The following PREX2 variants were observed in gnomAD, a reference collection of about 807,000 sequenced individuals.
The protein encoded by PREX2 is phosphatidylinositol-3,4,5-trisphosphate dependent Rac exchange factor 2, also known as phosphatidylinositol 3,4,5-trisphosphate-dependent Rac exchanger 2 protein.
Under a neutral mutation model 203.2 loss-of-function variants are expected in PREX2, and 107 were observed. That is an observed-to-expected ratio of 0.53 (90% CI 0.45 to 0.62). The LOEUF is 0.62. Ranked by LOEUF, PREX2 falls within the 20% of genes least tolerant of loss-of-function variation. PREX2 has a pLI of 0.00. For missense variants in PREX2, 1,777 were observed against 1,955.9 expected, an observed-to-expected ratio of 0.91 and a Z score of 1.72; for synonymous variants, 672 against 663.6, an observed-to-expected ratio of 1.01 and a Z score of -0.19.
In PREX2 at chr8:68,073,796, G is replaced by T. The variant is rs188150393; in HGVS notation, c.1569+1226G>T. ...TTCTAGAATTCATGTGAACTTGTAT[G>T]ATGTGTTGATTACGTGAGAAACTTA... is the stretch of plus-strand genomic sequence containing the variant. On this transcript the variant is annotated intron_variant, in intron 14 of 39. Transcript: ENST00000288368. 2.0e-4 allele frequency among the ~76,000 whole-genome samples: 30 copies of T among 152,240 alleles called. 1 individual carries two copies. The highest frequency in any genetic ancestry group is 7.2e-4 in the African/African-American group (30 of 41,546).
intron 17 of PREX2, 78 bp downstream of exon 17, chr8:68,080,916 G>T: frequency 1.2e-6 from 1 of 832,508 alleles, no homozygotes; most frequent in Admixed American, 2.3e-5. Context: ...ACTGAAATCT[G>T]CCTTTAAAGA....
intron 30 of PREX2, among the ~76,000 whole-genome samples, chr8:68,124,649 A>T (rs1810852732): frequency 6.6e-6 from 1 of 152,158 alleles, no homozygotes; most frequent in Admixed American, 6.6e-5. Context: ...AAGTTTAAAA[A>T]AATATATTTC....
At chr8:68,153,931 T>C (rs896159093) in intron 34 of PREX2, among the ~76,000 whole-genome samples, 7 of 152,258 alleles carry the variant, frequency 4.6e-5, no homozygotes, top group Admixed American at 4.6e-4. Context: ...ATTTATGAGA[T>C]TGTAGAAGTA....
intron 37 of PREX2, among the ~76,000 whole-genome samples, chr8:68,205,491 G>C (rs1275477796): frequency 1.3e-5 from 2 of 152,142 alleles, no homozygotes; most frequent in African/African-American, 2.4e-5. Context: ...TCAGCTGCAG[G>C]CTTTTCCGTA....
At chr8:68,200,553 TA>T (rs1192986032) in intron 37 of PREX2, among the ~76,000 whole-genome samples, 8 of 152,006 alleles carry the variant, frequency 5.3e-5, no homozygotes, top group African/African-American at 1.9e-4. Flanking sequence ...TTATCTGTAA[TA>T]AAAGTTCTTT....
intron 1 of PREX2, among the ~76,000 whole-genome samples, chr8:67,995,604 G>A (rs1242087803): frequency 1.3e-5 from 2 of 152,148 alleles, no homozygotes; most frequent in African/African-American, 4.8e-5. Context: ...CATCAGCTAT[G>A]TAAATATTTA....
rs969318430 is a variant in PREX2 at position 68,232,253 on chromosome 8, T to A, written c.*875T>A. Reference sequence around the variant, plus strand: ...AAGTTAGATACCTAAAACTCTTAATTTTATGAAGGCTCTCATATGAGAGGT... The same window carrying A: ...AAGTTAGATACCTAAAACTCTTAATATTATGAAGGCTCTCATATGAGAGGT... On this transcript the variant is annotated 3_prime_UTR_variant, in exon 40 of 40. Coordinates refer to ENST00000288368, the MANE Select transcript of PREX2 (RefSeq NM_024870.4). 1 of 152,158 alleles carries A rather than the reference T, an allele frequency of 6.6e-6. No homozygotes were observed. Among genetic ancestry groups the A allele is most frequent in the Non-Finnish European group, 1.5e-5 (1 of 68,024 alleles). 9.4% of individuals were successfully genotyped at this position (152,158 alleles called of 1,614,324 possible). A position where few individuals can be genotyped will look rare whatever the true frequency, so the allele number is the denominator to read the frequency against.
At chr8:68,047,494 TATATATATATATAC>T (rs1441537625) in intron 8 of PREX2, among the ~76,000 whole-genome samples, 1 of 83,628 alleles carries the variant, frequency 1.2e-5, no homozygotes, top group Admixed American at 1.0e-4. Flanking sequence ...TATATATATA[TATATATATATATAC>T]ACATACATAT....
intron 26 of PREX2, among the ~76,000 whole-genome samples, chr8:68,116,435 T>C (rs1810661066): frequency 2.0e-5 from 3 of 152,204 alleles, no homozygotes; most frequent in Non-Finnish European, 4.4e-5. Flanking sequence ...ATTAGTTTTG[T>C]AGGGCTGCTG....
rs149428879 is a variant in PREX2 at position 68,192,465 on chromosome 8, C to T, written c.4544C>T (p.Ser1515Leu). The T allele has an allele frequency of 2.0e-5, 32 of 1,612,756 alleles. No homozygotes were observed. Among genetic ancestry groups the T allele is most frequent in the Non-Finnish European group, 2.5e-5 (30 of 1,179,936 alleles). The change falls in exon 37 of 40, where the codon TCG becomes TTG. Residue 1515 changes from serine (S) to leucine (L), a missense_variant. By Grantham distance (145) the Ser-to-Leu change is moderately radical. Coordinates refer to ENST00000288368, the MANE Select transcript of PREX2 (RefSeq NM_024870.4). ...GGGGTTGGACTGCTGTCAGTTTCCT[C>T]GGAGCTGTGCAACAGGCTGGGCGCC... is the stretch of plus-strand genomic sequence containing the variant. ...ASGVGLLSVS[S>L]ELCNRLGACH...
Position 67,952,269 on chromosome 8 carries a change from T to C in PREX2, c.-126T>C, listed in dbSNP as rs780516661. On this transcript the variant is annotated 5_prime_UTR_variant, in exon 1 of 40. Coordinates refer to ENST00000288368, the MANE Select transcript of PREX2 (RefSeq NM_024870.4). Reference sequence around the variant, plus strand: ...CCTCTCCCCAGCATGTAAAGTCTTCTGTCTCTCCTCGGAGTTGGCGGAGGC... The same window carrying C: ...CCTCTCCCCAGCATGTAAAGTCTTCCGTCTCTCCTCGGAGTTGGCGGAGGC... The C allele has an allele frequency of 3.9e-6, 3 of 763,100 alleles. No individual in the cohort carries two copies. Among genetic ancestry groups the C allele is most frequent in the Non-Finnish European group, 5.4e-6 (3 of 551,694 alleles). 47.3% of individuals were successfully genotyped at this position (763,100 alleles called of 1,614,324 possible). A position where few individuals can be genotyped will look rare whatever the true frequency, so the allele number is the denominator to read the frequency against.
rs139949496 is a variant in PREX2, at chr8:68,090,729, C to T, written c.2250+14C>T. On this transcript the variant is annotated intron_variant, in intron 20 of 39. Transcript: ENST00000288368. ...CGGCCAACGAAGGTAAGTGGCCCTT[C>T]AGATAATCTGGATCTGAGTGACTAC... is the stretch of plus-strand genomic sequence containing the variant. The T allele has an allele frequency of 8.2e-4, 1,323 of 1,611,022 alleles. 8 individuals carry two copies. In the African/African-American group the frequency reaches 0.016, roughly 19 times the overall value.
At chr8:68,054,389 C>T (rs1343648872) in intron 9 of PREX2, among the ~76,000 whole-genome samples, 1 of 94,266 alleles carries the variant, frequency 1.1e-5, no homozygotes, top group African/African-American at 8.0e-5. Flanking sequence ...AATAAAAACC[C>T]CCAAACGAGA....
intron 35 of PREX2, among the ~76,000 whole-genome samples, chr8:68,175,329 C>T (rs2129614319): frequency 6.6e-6 from 1 of 152,182 alleles, no homozygotes; most frequent in East Asian, 1.9e-4. Context: ...ACCTCAGATG[C>T]CAGCTGAGAC....
intron 35 of PREX2, among the ~76,000 whole-genome samples, chr8:68,176,025 C>T (rs1438795193): frequency 1.3e-5 from 2 of 152,026 alleles, no homozygotes; most frequent in Admixed American, 6.6e-5. Context: ...AATCCCAGAA[C>T]TTTATGAGAT....
At chr8:67,986,794 CTT>C (rs1806441282) in intron 1 of PREX2, among the ~76,000 whole-genome samples, 1 of 152,034 alleles carries the variant, frequency 6.6e-6, no homozygotes, top group Admixed American at 6.6e-5. Flanking sequence ...CTTTTTGGCT[CTT>C]GTCAGTACTA....
rs547075571 is a variant in PREX2 at position 68,021,917 on chromosome 8, C to T, written c.337-119C>T. 579 of 605,982 alleles carry T rather than the reference C, an allele frequency of 9.6e-4. 1 individual carries two copies. Among genetic ancestry groups the T allele is most frequent in the South Asian group, 1.9e-3 (95 of 50,674 alleles). 37.5% of individuals were successfully genotyped at this position (605,982 alleles called of 1,614,324 possible). On this transcript the variant is annotated intron_variant, in intron 3 of 39. Coordinates refer to ENST00000288368, the MANE Select transcript of PREX2 (RefSeq NM_024870.4). ...CAAAATTTATATATAGCTGTATACA[C>T]GCAGTATAGCTCTTAAAACGTAGTA...
chr8:68,033,229 ATGACAG>A (rs1182702513), intron 6 of PREX2, among the ~76,000 whole-genome samples: 1 of 152,176 alleles, frequency 6.6e-6, no homozygotes, highest in African/African-American at 2.4e-5. Flanking sequence ...TGCAAAACAT[ATGACAG>A]TGAGAAAAGG....
intron 14 of PREX2, among the ~76,000 whole-genome samples, chr8:68,072,933 T>G (rs1809242168): frequency 6.6e-6 from 1 of 152,150 alleles, no homozygotes; most frequent in Non-Finnish European, 1.5e-5. Flanking sequence ...CAAGTTATTC[T>G]AATCTCCCTG....
Sources: gnomAD v4.1 joint callset for allele counts (sites outside exome capture counted in the v4.1 genomes callset) on GRCh38, gnomAD v4.1.1 for gene constraint, MANE v1.5 for transcripts, NCBI Gene and HGNC (gene_info 2026-07-23, HGNC 2026-07-21) for gene names.